Variants in RNF180 observed in about 807,000 individuals in gnomAD.
RNF180 encodes the protein E3 ubiquitin-protein ligase RNF180.
RNF180 carries 38 observed loss-of-function variants against 59.2 expected under a neutral mutation model. The ratio of observed to expected loss-of-function variants is 0.64; its 90% CI spans 0.50 to 0.84. RNF180 has a LOEUF of 0.84. RNF180 is among the 40% of genes least tolerant of loss of function. The probability of loss-of-function intolerance (pLI) is 0.00; values close to 1 mark genes in which losing one functional copy is unlikely to be tolerated. For missense variants in RNF180, 705 were observed against 700.9 expected (o/e 1.01, Z -0.07); for synonymous variants, 262 against 240.3 (o/e 1.09, Z -0.84).
intron 2 of RNF180, 110 bp downstream of exon 2, chr5:64,201,052 C>A (rs1035099493): frequency 8.5e-6 from 7 of 823,918 alleles, no homozygotes; most frequent in East Asian, 2.6e-5. Flanking sequence ...ATTTATAGTT[C>A]TTTGTCATGA....
At chr5:64,328,262 A>T (rs1744744977) in intron 6 of RNF180, among the ~76,000 whole-genome samples, 2 of 152,172 alleles carry the variant, frequency 1.3e-5, no homozygotes, top group Non-Finnish European at 2.9e-5. Flanking sequence ...TCAGTTCTTA[A>T]GTCCTAAGAA....
intron 2 of RNF180, among the ~76,000 whole-genome samples, chr5:64,203,740 A>T (rs2112071177): frequency 6.6e-6 from 1 of 152,266 alleles, no homozygotes; most frequent in Admixed American, 6.5e-5. Context: ...GAGTAATATG[A>T]AGCAGTGACT....
chr5:64,219,991 TTATC>T (rs1752829092), intron 5 of RNF180, among the ~76,000 whole-genome samples: 1 of 152,158 alleles, frequency 6.6e-6, no homozygotes, highest in Non-Finnish European at 1.5e-5. Context: ...TTTTGAAGAA[TTATC>T]TAAGTTGTCA....
At chr5:64,294,914 C>T (rs1272517967) in intron 5 of RNF180, among the ~76,000 whole-genome samples, 1 of 152,140 alleles carries the variant, frequency 6.6e-6, no homozygotes, top group Non-Finnish European at 1.5e-5. Flanking sequence ...TGGAAAGTTT[C>T]TTTATTCCCC....
intron 5 of RNF180, among the ~76,000 whole-genome samples, chr5:64,285,232 CTTTG>C (rs1417357748): frequency 6.6e-6 from 1 of 152,166 alleles, no homozygotes; most frequent in Non-Finnish European, 1.5e-5. Flanking sequence ...GGTCATTATA[CTTTG>C]TTTGGGGGTG....
chr5:64,242,018 C>A (rs1742837674), intron 5 of RNF180, among the ~76,000 whole-genome samples: 1 of 152,184 alleles, frequency 6.6e-6, no homozygotes, highest in African/African-American at 2.4e-5. Flanking sequence ...TCCCACCCTC[C>A]TGCACTGGAC....
intron 1 of RNF180, among the ~76,000 whole-genome samples, chr5:64,172,480 CAACT>C (rs1749989228): frequency 6.6e-6 from 1 of 152,122 alleles, no homozygotes; most frequent in Non-Finnish European, 1.5e-5. Context: ...TGGCAATATG[CAACT>C]AACTCTACTA....
intron 6 of RNF180, among the ~76,000 whole-genome samples, chr5:64,327,339 TCTTG>T (rs1744693232): frequency 6.6e-6 from 1 of 152,102 alleles, no homozygotes; most frequent in African/African-American, 2.4e-5. Context: ...TTTGGTTTGT[TCTTG>T]CTTTTCTGGT....
At chr5:64,311,137 G>A (rs143610180) in intron 5 of RNF180, among the ~76,000 whole-genome samples, 4 of 151,968 alleles carry the variant, frequency 2.6e-5, no homozygotes, top group Admixed American at 6.6e-5. Flanking sequence ...ACCACTTAAT[G>A]CCAGGAATTC....
chr5:64,179,308 A>G (rs1579936126), intron 1 of RNF180, among the ~76,000 whole-genome samples: 1 of 152,298 alleles, frequency 6.6e-6, no homozygotes, highest in East Asian at 1.9e-4. Flanking sequence ...TTAATGTTTT[A>G]CTATTTTTCC....
chr5:64,370,784 C>T lies in RNF180; in HGVS notation c.*970C>T, dbSNP rs2112624878. The T allele has an allele frequency of 6.6e-6, 1 of 151,236 alleles. No homozygotes were observed. The highest frequency in any genetic ancestry group is 2.1e-4 in the South Asian group (1 of 4,796). 9.4% of individuals were successfully genotyped at this position (151,236 alleles called of 1,614,324 possible). ...GAACATGGAATTGGGGCAGGTAACC[C>T]AATTCAAAAAAGGAAAAACTGGAGC... On this transcript the variant is annotated 3_prime_UTR_variant, in exon 8 of 8. Transcript: ENST00000389100.
chr5:64,183,156 T>A (rs1473282134), intron 1 of RNF180, among the ~76,000 whole-genome samples: 2 of 152,166 alleles, frequency 1.3e-5, no homozygotes, highest in African/African-American at 4.8e-5. Context: ...AATAAGAACA[T>A]CTTCCTCACA....
intron 5 of RNF180, among the ~76,000 whole-genome samples, chr5:64,221,415 A>C (rs1741327023): frequency 1.3e-5 from 2 of 152,120 alleles, no homozygotes; most frequent in African/African-American, 2.4e-5. Context: ...ATATATTGAA[A>C]CAGATCATTA....
intron 5 of RNF180, among the ~76,000 whole-genome samples, chr5:64,263,478 A>C (rs903376302): frequency 1.3e-5 from 2 of 152,322 alleles, no homozygotes; most frequent in East Asian, 3.9e-4. Flanking sequence ...AAAATTAACT[A>C]TGTAATGAAC....
chr5:64,272,191 AG>A (rs1250139127), intron 5 of RNF180, among the ~76,000 whole-genome samples: 1 of 152,116 alleles, frequency 6.6e-6, no homozygotes, highest in African/African-American at 2.4e-5. Context: ...AATGCTAAGA[AG>A]AAGGACACGT....
intron 2 of RNF180, among the ~76,000 whole-genome samples, chr5:64,208,497 A>G (rs912558822): frequency 4.6e-5 from 7 of 152,000 alleles, no homozygotes; most frequent in African/African-American, 1.7e-4. Context: ...TATCATTTAT[A>G]TATTTGTGTG....
intron 7 of RNF180, among the ~76,000 whole-genome samples, chr5:64,356,694 C>T (rs556474726): frequency 1.8e-4 from 27 of 151,938 alleles, no homozygotes; most frequent in African/African-American, 6.5e-4. Flanking sequence ...TATTCTGATA[C>T]ATACTGCAAT....
intron 7 of RNF180, among the ~76,000 whole-genome samples, chr5:64,336,384 G>C: frequency 6.7e-6 from 1 of 149,596 alleles, no homozygotes; most frequent in South Asian, 2.1e-4. Context: ...ACCATATTTT[G>C]TCTATCTATT....
At chr5:64,283,592 T>C (rs1490052509) in intron 5 of RNF180, among the ~76,000 whole-genome samples, 1 of 152,118 alleles carries the variant, frequency 6.6e-6, no homozygotes, top group Non-Finnish European at 1.5e-5. Context: ...GTTTCCCTCA[T>C]GATGTTCTCA....
Sources: allele counts gnomAD v4.1 joint callset (sites outside exome capture counted in the v4.1 genomes callset), GRCh38; gene constraint gnomAD v4.1.1; transcripts MANE v1.5; gene names NCBI Gene and HGNC (gene_info 2026-07-23, HGNC 2026-07-21).